ZNF782: variants seen among roughly 807,000 people sequenced by gnomAD.
ZNF782 encodes the protein zinc finger protein 782.
Under a neutral mutation model 13.0 loss-of-function variants are expected in ZNF782, and 12 were observed. The ratio of observed to expected loss-of-function variants is 0.92; its 90% CI spans 0.59 to 1.50. The LOEUF (loss-of-function observed/expected upper bound fraction) is 1.50. ZNF782 is among the 40% of genes most tolerant of loss of function. ZNF782 has a pLI of 0.00. For synonymous variants in ZNF782, 284 were observed against 283.0 expected (o/e 1.00, Z -0.04); for missense variants, 770 against 822.9 (o/e 0.94, Z 0.79).
the ZNF782 span, among the ~76,000 whole-genome samples, chr9:96,926,492 G>C: frequency 6.6e-6 from 1 of 152,192 alleles, no homozygotes; most frequent in African/African-American, 2.4e-5. Context: ...CTGCATGTAA[G>C]GAGGCAGCTC....
the ZNF782 span, among the ~76,000 whole-genome samples, chr9:96,930,872 G>GTTTTTTTTTTTTTTTTTTT: frequency 1.2e-4 from 9 of 72,726 alleles, 4 homozygotes; most frequent in Non-Finnish European, 1.7e-4. Flanking sequence ...CCATCCAGTG[G>GTTTTTTTTTTTTTTTTTTT]TTTTTTTTTT....
chr9:96,866,330 G>A (rs1243562573), intron 1 of ZNF782, among the ~76,000 whole-genome samples: 6 of 152,184 alleles, frequency 3.9e-5, no homozygotes, highest in Non-Finnish European at 8.8e-5. Flanking sequence ...GACTAAAAGG[G>A]GCCAAAATAC....
In ZNF782 at chr9:96,819,720, CA is replaced by C. The variant is rs756533161; in HGVS notation, c.302del (p.Leu101CysfsTer11). On this transcript the variant is annotated frameshift_variant, in exon 6 of 6. Coordinates refer to ENST00000481138, the MANE Select transcript of ZNF782 (RefSeq NM_001001662.3). LOFTEE classifies it low-confidence loss of function (END_TRUNC). ...ATTTATTGGTGAATAAAACTTGCAA[CA>C]AATGTTTGCCTTGATTTTCTGGGCT... ...EKSPENQGKH[L>X]LQVLFTNKLL... 6.2e-7 allele frequency: 1 copy of C among 1,611,996 alleles called. No homozygotes were observed. The highest frequency in any genetic ancestry group is 1.3e-5 in the African/African-American group (1 of 74,706).
intron 4 of ZNF782, among the ~76,000 whole-genome samples, chr9:96,833,297 T>C (rs1208034282): frequency 6.6e-6 from 1 of 152,186 alleles, no homozygotes; most frequent in Non-Finnish European, 1.5e-5. Context: ...GTCCACACTT[T>C]ATTCAGAGCT....
the ZNF782 span, among the ~76,000 whole-genome samples, chr9:96,885,568 G>A: frequency 6.6e-6 from 1 of 152,096 alleles, no homozygotes; most frequent in Admixed American, 6.5e-5. Flanking sequence ...CACTGAAAAA[G>A]TGTCTGAAAA....
At position 96,821,685 on chromosome 9, in the gene ZNF782, T is replaced by TC. The variant is rs201581465; in HGVS notation, c.245-1908dup. The stretch of plus-strand genomic sequence containing the variant: ...AATAGTTCACTTTTTTTTTTTTTTT[T>TC]CTTGAGACAGAGTCCTTGATCTGTC... On this transcript the variant is annotated intron_variant, in intron 5 of 5. Transcript: ENST00000481138. Among the ~76,000 whole-genome samples the TC allele has an allele frequency of 8.5e-3, 1,277 of 149,484 alleles. 43 individuals carry two copies. The East Asian group carries it at 0.1, about 12-fold the overall frequency.
upstream of ZNF782, among the ~76,000 whole-genome samples, chr9:96,877,933 T>A (rs1032653111): frequency 1.3e-5 from 2 of 151,752 alleles, no homozygotes; most frequent in East Asian, 1.9e-4. Flanking sequence ...CTTGAACTCG[T>A]AAAGACTAAA....
the ZNF782 span, among the ~76,000 whole-genome samples, chr9:96,925,315 T>C: frequency 2.0e-5 from 3 of 151,592 alleles, no homozygotes; most frequent in African/African-American, 7.3e-5. Flanking sequence ...GCCTTCTCCT[T>C]GGAGCCTCCA....
chr9:96,864,038 CAAAT>C (rs1478737095), intron 1 of ZNF782, among the ~76,000 whole-genome samples: 6 of 151,040 alleles, frequency 4.0e-5, no homozygotes, highest in African/African-American at 1.2e-4. Context: ...TATTGGTAAA[CAAAT>C]ATATATATAT....
At chr9:96,836,262 G>T (rs1028375808) in intron 4 of ZNF782, among the ~76,000 whole-genome samples, 1 of 151,070 alleles carries the variant, frequency 6.6e-6, no homozygotes, top group Non-Finnish European at 1.5e-5. Context: ...GCCCAGGCTG[G>T]AGTGCAATGG....
chr9:96,886,838 G>A, the ZNF782 span, among the ~76,000 whole-genome samples: 3 of 150,366 alleles, frequency 2.0e-5, no homozygotes, highest in African/African-American at 4.9e-5. Flanking sequence ...CAGGAGAATC[G>A]CTTGAACCTG....
At chr9:96,889,963 C>T in the ZNF782 span, 4 of 152,202 alleles carry the variant, frequency 2.6e-5, no homozygotes, top group African/African-American at 7.2e-5. Flanking sequence ...AGAGTATACA[C>T]CCTCTGTCAT....
chr9:96,931,540 G>A, the ZNF782 span, among the ~76,000 whole-genome samples: 1 of 151,528 alleles, frequency 6.6e-6, no homozygotes, highest in Non-Finnish European at 1.5e-5. Context: ...CTGGCGCCAG[G>A]CTCTCTAGTG....
intron 5 of ZNF782, among the ~76,000 whole-genome samples, chr9:96,822,060 C>G (rs2118350099): frequency 6.6e-6 from 1 of 152,322 alleles, no homozygotes; most frequent in South Asian, 2.1e-4. Flanking sequence ...TTATATCTCT[C>G]TGTAATTTAT....
chr9:96,925,858 T>G, the ZNF782 span, among the ~76,000 whole-genome samples: 1 of 148,488 alleles, frequency 6.7e-6, no homozygotes, highest in Non-Finnish European at 1.5e-5. Flanking sequence ...ATTCCTCTAC[T>G]GTTCAGTGAT....
Position 96,816,517 on chromosome 9 carries a change from TTA to T in ZNF782, c.*1404_*1405del, listed in dbSNP as rs1316451950. The T allele has an allele frequency of 6.6e-6, 1 of 152,254 alleles. No individual in the cohort carries two copies. Among genetic ancestry groups the T allele is most frequent in the Non-Finnish European group, 1.5e-5 (1 of 68,038 alleles). The allele number at this position is 152,254 out of a possible 1,614,324, so 9.4% of individuals were successfully genotyped here. A position where few individuals can be genotyped will look rare whatever the true frequency, so the allele number is the denominator to read the frequency against. The stretch of plus-strand genomic sequence containing the variant: ...TTTTTTGTTCTTTTTAAGCTTTTTA[TTA>T]TAGTGAATGTCTTATATTTCATTAA... On this transcript the variant is annotated 3_prime_UTR_variant, in exon 6 of 6. Coordinates refer to ENST00000481138, the MANE Select transcript of ZNF782 (RefSeq NM_001001662.3).
the ZNF782 span, chr9:96,891,541 C>G: frequency 1.3e-5 from 2 of 151,336 alleles, no homozygotes; most frequent in South Asian, 4.2e-4. Flanking sequence ...GGCCCTTCCC[C>G]GTGAAATGCT....
At chr9:96,893,290 T>C in the ZNF782 span, 1 of 152,320 alleles carries the variant, frequency 6.6e-6, no homozygotes, top group Admixed American at 6.5e-5. Context: ...AGAGAAACTT[T>C]GAACTTTCTT....
At position 96,817,357 on chromosome 9, in the gene ZNF782, G is replaced by C. The variant is rs1588143009; in HGVS notation, c.*566C>G. On this transcript the variant is annotated 3_prime_UTR_variant, in exon 6 of 6. Coordinates refer to ENST00000481138, the MANE Select transcript of ZNF782 (RefSeq NM_001001662.3). ...TTCAATAGTTATTATACGACATATA[G>C]GGATTACCTCTGTGTAGGTTAAAAT... The C allele has an allele frequency of 6.6e-6, 1 of 152,362 alleles. No individual in the cohort carries two copies. The highest frequency in any genetic ancestry group is 2.4e-5 in the African/African-American group (1 of 41,452). 9.4% of individuals were successfully genotyped at this position (152,362 alleles called of 1,614,324 possible).
Sources: allele counts gnomAD v4.1 joint callset (sites outside exome capture counted in the v4.1 genomes callset), GRCh38; gene constraint gnomAD v4.1.1; transcripts MANE v1.5; gene names NCBI Gene and HGNC (gene_info 2026-07-23, HGNC 2026-07-21).